SLC8A1: variants seen among roughly 807,000 people sequenced by gnomAD.
SLC8A1 encodes solute carrier family 8 member A1.
A neutral mutation model predicts 68.3 loss-of-function variants in SLC8A1; 18 were observed. The observed-to-expected ratio is 0.26, with a 90% CI of 0.18 to 0.39. SLC8A1 has a LOEUF of 0.39. Among genes scored for constraint, SLC8A1 ranks in the 10% least tolerant of loss-of-function variants. SLC8A1 has a pLI of 1.00. For synonymous variants in SLC8A1, 475 were observed against 415.5 expected (o/e 1.14, Z -1.74); for missense variants, 985 against 1,156.7 (o/e 0.85, Z 2.15).
At chr2:40,429,493 T>C in exon 2 of SLC8A1, 2 of 1,613,896 alleles carry the variant, frequency 1.2e-6, no homozygotes, top group Non-Finnish European at 8.5e-7. Context: ...ATACCTCTTG[T>C]AGACATACTT....
intron 2 of SLC8A1, among the ~76,000 whole-genome samples, chr2:40,288,975 T>G (rs2068805275): frequency 6.6e-6 from 1 of 151,524 alleles, no homozygotes; most frequent in Non-Finnish European, 1.5e-5. Context: ...GTCAGTATGT[T>G]GGGATTAGGC....
chr2:40,162,145 G>T (rs2045798607), intron 5 of SLC8A1, among the ~76,000 whole-genome samples: 1 of 152,170 alleles, frequency 6.6e-6, no homozygotes, highest in Non-Finnish European at 1.5e-5. Context: ...TTAGGGTGAT[G>T]ACCTTTCAGC....
intron 2 of SLC8A1, among the ~76,000 whole-genome samples, chr2:40,303,318 A>C (rs764547526): frequency 2.6e-5 from 4 of 152,194 alleles, no homozygotes; most frequent in Admixed American, 6.6e-5. Flanking sequence ...AGTTGCACAC[A>C]CATTCATCAC....
At chr2:40,380,460 A>G (rs1681379458) in intron 2 of SLC8A1, among the ~76,000 whole-genome samples, 1 of 152,154 alleles carries the variant, frequency 6.6e-6, no homozygotes, top group Admixed American at 6.5e-5. Flanking sequence ...CTAGAAAAAA[A>G]GACAAACTTA....
intron 4 of SLC8A1, chr2:40,170,312 A>C (rs2047248434): frequency 2.2e-5 from 35 of 1,613,990 alleles, no homozygotes; most frequent in Non-Finnish European, 3.0e-5. Context: ...AGAGAATCGG[A>C]TGTTCTCTAG....
At chr2:40,103,934 G>T (rs2034046607) in exon 8 of SLC8A1, 1 of 152,214 alleles carries the variant, frequency 6.6e-6, no homozygotes, top group African/African-American at 2.4e-5. Flanking sequence ...ATAAGTGGAT[G>T]ATAACAGGGA....
At chr2:40,438,651 A>C (rs1489117141) in intron 1 of SLC8A1, among the ~76,000 whole-genome samples, 11 of 152,188 alleles carry the variant, frequency 7.2e-5, no homozygotes, top group Admixed American at 7.2e-4. Context: ...AGAGAATGTG[A>C]CAGCACATTC....
At chr2:40,198,053 G>A (rs1003554622) in intron 2 of SLC8A1, among the ~76,000 whole-genome samples, 1 of 151,968 alleles carries the variant, frequency 6.6e-6, no homozygotes, top group Non-Finnish European at 1.5e-5. Context: ...AGGAACAGCA[G>A]AGGAACATAA....
At chr2:40,359,244 C>T (rs1211827131) in intron 2 of SLC8A1, among the ~76,000 whole-genome samples, 3 of 152,050 alleles carry the variant, frequency 2.0e-5, no homozygotes, top group Non-Finnish European at 2.9e-5. Context: ...TTTCATACAT[C>T]GATTACATAC....
At chr2:40,332,462 T>G (rs1433094131) in intron 2 of SLC8A1, among the ~76,000 whole-genome samples, 3 of 152,038 alleles carry the variant, frequency 2.0e-5, no homozygotes, top group Non-Finnish European at 4.4e-5. Flanking sequence ...TCCCCTTACT[T>G]ATGTATCTTT....
At chr2:40,390,923 G>C (rs1357368785) in intron 2 of SLC8A1, among the ~76,000 whole-genome samples, 1 of 151,994 alleles carries the variant, frequency 6.6e-6, no homozygotes, top group African/African-American at 2.4e-5. Context: ...GCCTGAAAGG[G>C]CAAACAATAA....
intron 2 of SLC8A1, among the ~76,000 whole-genome samples, chr2:40,370,946 T>A (rs1434549915): frequency 6.6e-6 from 1 of 152,084 alleles, no homozygotes; most frequent in East Asian, 1.9e-4. Context: ...GTACACTAGT[T>A]GCTATTTGAA....
chr2:40,337,986 A>T (rs1351244576), intron 2 of SLC8A1, among the ~76,000 whole-genome samples: 1 of 152,140 alleles, frequency 6.6e-6, no homozygotes, highest in East Asian at 1.9e-4. Context: ...AGACAGCAAT[A>T]TGGACAACAT....
intron 2 of SLC8A1, among the ~76,000 whole-genome samples, chr2:40,409,089 G>T (rs904572500): frequency 6.6e-6 from 1 of 152,064 alleles, no homozygotes; most frequent in Admixed American, 6.6e-5. Flanking sequence ...GTAAAGTGCT[G>T]CTTTTTCTGT....
At chr2:40,359,897 C>A (rs1042267151) in intron 2 of SLC8A1, among the ~76,000 whole-genome samples, 2 of 148,796 alleles carry the variant, frequency 1.3e-5, no homozygotes, top group Admixed American at 1.4e-4. Context: ...AATATGCATT[C>A]TGGTTTTAAA....
intron 2 of SLC8A1, among the ~76,000 whole-genome samples, chr2:40,327,269 C>T (rs2075931233): frequency 6.6e-6 from 1 of 152,152 alleles, no homozygotes. Context: ...GAATGACATA[C>T]AATTCACATG....
chr2:40,410,055 C>T (rs1384942059), intron 2 of SLC8A1, among the ~76,000 whole-genome samples: 1 of 151,998 alleles, frequency 6.6e-6, no homozygotes, highest in Non-Finnish European at 1.5e-5. Flanking sequence ...GGGGCAACTT[C>T]TGGAAGCAAA....
At chr2:40,145,633 TCGTAAAGAATAAAAGATGAAAGAC>T (rs1297266447) in intron 6 of SLC8A1, among the ~76,000 whole-genome samples, 1 of 152,170 alleles carries the variant, frequency 6.6e-6, no homozygotes, top group African/African-American at 2.4e-5. Context: ...TCTGAGAGAA[TCGTAAAGAATAAAAGATGAAAGAC>T]CTTAGCGATC....
chr2:40,169,293 A>C (rs975100115), intron 4 of SLC8A1, among the ~76,000 whole-genome samples: 5 of 152,214 alleles, frequency 3.3e-5, no homozygotes, highest in Admixed American at 2.0e-4. Flanking sequence ...GAGGCGGACA[A>C]GGCCAGTGGT....
Sources: allele counts gnomAD v4.1 joint callset (sites outside exome capture counted in the v4.1 genomes callset), GRCh38; gene constraint gnomAD v4.1.1; transcripts MANE v1.5; gene names NCBI Gene and HGNC (gene_info 2026-07-23, HGNC 2026-07-21).